The following MAP3K8 variants were observed in gnomAD, a reference collection of about 807,000 sequenced individuals.
MAP3K8 encodes mitogen-activated protein kinase kinase kinase 8, also known as Ewing sarcoma transformant.
In MAP3K8, 22 loss-of-function variants were observed where a neutral mutation model predicts 45.8. That is an observed-to-expected ratio of 0.48 (90% confidence interval 0.34 to 0.69). The LOEUF (loss-of-function observed/expected upper bound fraction) is 0.69, where lower values mean the gene tolerates loss of function less well. Ranked by LOEUF, MAP3K8 falls within the 30% of genes least tolerant of loss-of-function variation. The pLI, the probability that MAP3K8 is intolerant of heterozygous loss-of-function variation, is 0.01. For missense variants in MAP3K8, 419 were observed against 585.0 expected, an observed-to-expected ratio of 0.72 and a Z score of 2.93; for synonymous variants, 223 against 214.3, an observed-to-expected ratio of 1.04 and a Z score of -0.36.
rs370542765 is a variant in MAP3K8 at position 30,450,549 on chromosome 10, G to A, written c.766+30G>A. On this transcript the variant is annotated intron_variant, in intron 5 of 8. Transcript: ENST00000263056. ...GTATCTTTGGACATATACCTTTTTG[G>A]CTCAAAGAGACTAGTTATTCAGGAG... The A allele has an allele frequency of 2.0e-5, 32 of 1,607,890 alleles. No homozygotes were observed. In the African/African-American group the frequency reaches 3.9e-4, roughly 20 times the overall value.
At position 30,452,198 on chromosome 10, in the gene MAP3K8, G is replaced by A. The variant is rs1026805350; in HGVS notation, c.873+454G>A. Among the ~76,000 whole-genome samples the A allele has an allele frequency of 3.9e-5, 6 of 151,982 alleles. No individual in the cohort carries two copies. In the South Asian group the frequency reaches 6.2e-4, roughly 16 times the overall value. The stretch of plus-strand genomic sequence containing the variant: ...AAAAAAACTGGTTTAGGCTGGGCAC[G>A]GTGGCTCAAACCTGTCATCCCAGCA... On this transcript the variant is annotated intron_variant, in intron 6 of 8. Coordinates refer to ENST00000263056, the MANE Select transcript of MAP3K8 (RefSeq NM_005204.4).
chr10:30,442,523 G>A (rs1836149362), intron 3 of MAP3K8, among the ~76,000 whole-genome samples: 1 of 152,210 alleles, frequency 6.6e-6, no homozygotes, highest in South Asian at 2.1e-4. Flanking sequence ...GAACAGGCAT[G>A]TTCAGTGATT....
At chr10:30,453,819 G>A (rs1836632611) in intron 6 of MAP3K8, among the ~76,000 whole-genome samples, 1 of 151,394 alleles carries the variant, frequency 6.6e-6, no homozygotes, top group Non-Finnish European at 1.5e-5. Flanking sequence ...GTTTGCTTGA[G>A]CCTGGGGGTT....
At chr10:30,436,460 C>A (rs1033871854) in intron 1 of MAP3K8, among the ~76,000 whole-genome samples, 1 of 152,092 alleles carries the variant, frequency 6.6e-6, no homozygotes, top group Non-Finnish European at 1.5e-5. Context: ...CCTCCCGGGT[C>A]CTGCTTCCCT....
intron 6 of MAP3K8, 24 bp from the exon 7 acceptor site, chr10:30,458,060 G>T: frequency 6.9e-7 from 1 of 1,442,488 alleles, no homozygotes; most frequent in South Asian, 1.5e-5. Context: ...GAATGAAGCT[G>T]AATGTTTCCC....
chr10:30,458,949 G>T (rs951344349), intron 7 of MAP3K8, among the ~76,000 whole-genome samples: 1 of 152,148 alleles, frequency 6.6e-6, no homozygotes, highest in African/African-American at 2.4e-5. Context: ...GGTGGTGTAT[G>T]CCCTGTGGTC....
At chr10:30,455,123 T>C (rs942327418) in intron 6 of MAP3K8, among the ~76,000 whole-genome samples, 1 of 152,198 alleles carries the variant, frequency 6.6e-6, no homozygotes, top group African/African-American at 2.4e-5. Context: ...TTTTGGCAAA[T>C]GCAAATTGCT....
chr10:30,434,345 G>A lies in MAP3K8; in HGVS notation c.-288G>A. ...GAACCTTCGGGGGGCCGCGGCTGGA[G>A]CGCTCGGCCGGCGTGGGAGCGCCAA... On this transcript the variant is annotated 5_prime_UTR_variant, in exon 1 of 9. Transcript: ENST00000263056. The A allele has an allele frequency of 6.3e-6, 4 of 630,404 alleles. No homozygotes were observed. The highest frequency in any genetic ancestry group is 7.9e-6 in the Non-Finnish European group (4 of 505,272). 39.1% of individuals were successfully genotyped at this position (630,404 alleles called of 1,614,324 possible).
At chr10:30,458,275 G>GGGGGGGGT in intron 7 of MAP3K8, 39 bp downstream of exon 7, 1 of 1,356,008 alleles carries the variant, frequency 7.4e-7, no homozygotes, top group Admixed American at 2.6e-5. Flanking sequence ...CGGCGGGGGG[G>GGGGGGGGT]GGCGTTGAGT....
Position 30,439,030 on chromosome 10 carries a change from A to G in MAP3K8, c.92A>G (p.Glu31Gly), listed in dbSNP as rs762418488. ...LNVSDVIDIMENLYASEEPAV... is the reference protein window; with the variant it reads ...LNVSDVIDIMGNLYASEEPAV... Reference sequence around the variant, plus strand: ...GTGTCTGATGTAATAGACATTATGGAAAATCTTTATGCAAGTGAAGAGCCA... The same window carrying G: ...GTGTCTGATGTAATAGACATTATGGGAAATCTTTATGCAAGTGAAGAGCCA... Residue 31 changes from glutamate (E) to glycine (G), a missense_variant, in exon 3 of 9, where the codon GAA (glutamate) becomes GGA (glycine). Physicochemically the swap from Glu to Gly is moderately conservative, Grantham distance 98 (BLOSUM62 -2). Around this residue, in one of 3 missense-constraint regions of MAP3K8, gnomAD observed 102 missense variants for 93.5 expected, o/e 1.09. Coordinates refer to ENST00000263056, the MANE Select transcript of MAP3K8 (RefSeq NM_005204.4). The G allele has an allele frequency of 1.2e-6, 2 of 1,613,770 alleles. No individual in the cohort carries two copies. Among genetic ancestry groups the G allele is most frequent in the Admixed American group, 1.7e-5 (1 of 60,026 alleles).
chr10:30,461,194 CTTAT>C lies in MAP3K8; in HGVS notation c.*362_*365del, dbSNP rs1836928542. On this transcript the variant is annotated 3_prime_UTR_variant, in exon 9 of 9. Coordinates refer to ENST00000263056, the MANE Select transcript of MAP3K8 (RefSeq NM_005204.4). ...TAGCCTAAAATTACTATTCTTGGTT[CTTAT>C]TTAAGTATGGAATATTCATTTTACT... 1 of 245,838 alleles carries C rather than the reference CTTAT, an allele frequency of 4.1e-6. No individual in the cohort carries two copies. The highest frequency in any genetic ancestry group is 2.2e-5 in the African/African-American group (1 of 45,556). The allele number at this position is 245,838 out of a possible 1,614,324, so 15.2% of individuals were successfully genotyped here.
At chr10:30,456,514 C>G (rs1371032593) in intron 6 of MAP3K8, among the ~76,000 whole-genome samples, 1 of 152,060 alleles carries the variant, frequency 6.6e-6, no homozygotes, top group Non-Finnish European at 1.5e-5. Context: ...TAATTACTTA[C>G]CCTGAAATGT....
chr10:30,445,396 C>T (rs892129973), intron 3 of MAP3K8, among the ~76,000 whole-genome samples: 4 of 151,994 alleles, frequency 2.6e-5, no homozygotes, highest in Admixed American at 6.6e-5. Context: ...GGTGACAGGG[C>T]GAGACTCCGT....
At chr10:30,458,263 G>A in intron 7 of MAP3K8, 27 bp downstream of exon 7, 2 of 1,295,682 alleles carry the variant, frequency 1.5e-6, no homozygotes, top group Non-Finnish European at 2.1e-6. Context: ...CAGGGCTGGG[G>A]GCGGCGGGGG....
intron 6 of MAP3K8, among the ~76,000 whole-genome samples, chr10:30,453,572 A>G (rs1836623962): frequency 6.6e-6 from 1 of 152,158 alleles, no homozygotes; most frequent in Non-Finnish European, 1.5e-5. Flanking sequence ...GGGTGATTCA[A>G]TTAGCCAGTG....
At chr10:30,436,566 A>T (rs1040083722) in intron 1 of MAP3K8, among the ~76,000 whole-genome samples, 1 of 152,118 alleles carries the variant, frequency 6.6e-6, no homozygotes, top group African/African-American at 2.4e-5. Context: ...ACTTTTCTGC[A>T]GGGTTTAAAA....
At chr10:30,444,463 CAATAA>C (rs905852705) in intron 3 of MAP3K8, among the ~76,000 whole-genome samples, 2 of 151,820 alleles carry the variant, frequency 1.3e-5, no homozygotes, top group African/African-American at 4.8e-5. Context: ...AACTCCATCA[CAATAA>C]AATAAAATAA....
chr10:30,449,004 G>T (rs1588779894), intron 4 of MAP3K8, among the ~76,000 whole-genome samples: 1 of 152,100 alleles, frequency 6.6e-6, no homozygotes, highest in Non-Finnish European at 1.5e-5. Flanking sequence ...ATAGTAAAAA[G>T]AATAAATGAT....
intron 2 of MAP3K8, among the ~76,000 whole-genome samples, 187 bp downstream of exon 2, chr10:30,437,593 C>A (rs1480812074): frequency 6.6e-6 from 1 of 152,202 alleles, no homozygotes; most frequent in African/African-American, 2.4e-5. Flanking sequence ...TCCTCAGACA[C>A]AATTCATACG....
Sources: allele counts gnomAD v4.1 joint callset (sites outside exome capture counted in the v4.1 genomes callset), GRCh38; gene constraint gnomAD v4.1.1; regional missense constraint gnomAD v4.1.1; transcripts MANE v1.5; gene names NCBI Gene and HGNC (gene_info 2026-07-23, HGNC 2026-07-21).